Variants in PSMB9 observed in about 807,000 individuals in gnomAD.
PSMB9 encodes proteasome 20S subunit beta 9.
PSMB9 carries 16 observed loss-of-function variants against 26.9 expected under a neutral mutation model. That is an observed-to-expected ratio of 0.59 (90% confidence interval 0.40 to 0.90). PSMB9 has a LOEUF of 0.90. PSMB9 is among the 40% of genes least tolerant of loss of function. PSMB9 has a pLI of 0.00. For missense variants in PSMB9, 253 were observed against 292.2 expected, an observed-to-expected ratio of 0.87 and a Z score of 0.98; for synonymous variants, 91 against 112.0, an observed-to-expected ratio of 0.81 and a Z score of 1.18.
In PSMB9 at chr6:32,858,843, T is replaced by A. The variant is rs1454571497; in HGVS notation, c.532+338T>A. The A allele has an allele frequency of 1.8e-5, 7 of 395,658 alleles. No individual in the cohort carries two copies. The highest frequency in any genetic ancestry group is 2.8e-5 in the Non-Finnish European group (6 of 215,164). The allele number at this position is 395,658 out of a possible 1,614,324, so 24.5% of individuals were successfully genotyped here. A position where few individuals can be genotyped will look rare whatever the true frequency, so the allele number is the denominator to read the frequency against. On this transcript the variant is annotated intron_variant, in intron 5 of 5. Coordinates refer to ENST00000374859, the MANE Select transcript of PSMB9 (RefSeq NM_002800.5). This position sits in a 1 kb window ranked among gnomAD's most constrained non-coding sequence, Gnocchi z 5.2. ...TGAGCCCAGGAGTTTGAGGCCAGCC[T>A]AGGCAAGATGGTGAAACCCTGTCTC...
In PSMB9 at chr6:32,859,587, CTGG is replaced by C. The variant is rs2127400789; in HGVS notation, c.*57_*59del. ...GTAATAAACTCTCTAGGGCCAAAAC[CTGG>C]TATGGTCATTGGGAAATGAGTGCTC... On this transcript the variant is annotated 3_prime_UTR_variant, in exon 6 of 6. Transcript: ENST00000374859. The C allele has an allele frequency of 2.5e-6, 4 of 1,582,350 alleles. No homozygotes were observed. The highest frequency in any genetic ancestry group is 2.6e-6 in the Non-Finnish European group (3 of 1,159,692).
intron 2 of PSMB9, 74 bp downstream of exon 2, chr6:32,856,279 A>G (rs1027575296): frequency 1.1e-4 from 155 of 1,455,534 alleles, no homozygotes; most frequent in Non-Finnish European, 1.4e-4. Flanking sequence ...TTACCCATTC[A>G]TGAAAAGACT....
At chr6:32,857,948 G>A in intron 3 of PSMB9, 57 bp from the exon 4 acceptor site, 1 of 1,605,526 alleles carries the variant, frequency 6.2e-7, no homozygotes. Flanking sequence ...GATGGTAACA[G>A]TATAGGAGAA....
rs867212142 is a variant in PSMB9 at position 32,857,460 on chromosome 6, A to G, written c.260+66A>G. 35 of 1,520,390 alleles carry G rather than the reference A, an allele frequency of 2.3e-5. No individual in the cohort carries two copies. In the East Asian group the frequency reaches 2.4e-4, roughly 10 times the overall value. The allele number at this position is 1,520,390 out of a possible 1,614,324, so 94.2% of individuals were successfully genotyped here. ...TCCCCCAACCTGCATGAATCCCTGT[A>G]CAGTGTGCTGTTCCAGGAGCTGGAC... On this transcript the variant is annotated intron_variant, in intron 3 of 5. Coordinates refer to ENST00000374859, the MANE Select transcript of PSMB9 (RefSeq NM_002800.5).
chr6:32,856,619 A>G (rs1421750435), intron 2 of PSMB9: 2 of 172,700 alleles, frequency 1.2e-5, no homozygotes, highest in Non-Finnish European at 2.5e-5. Flanking sequence ...ATGCAAAATG[A>G]GTATATGGGG....
At chr6:32,856,549 C>T (rs1259997637) in intron 2 of PSMB9, 1 of 245,820 alleles carries the variant, frequency 4.1e-6, no homozygotes, top group African/African-American at 2.2e-5. Context: ...TACCTGGTTT[C>T]TCATTTACCA....
intron 1 of PSMB9, among the ~76,000 whole-genome samples, chr6:32,855,149 GAC>G (rs1190516788): frequency 1.3e-5 from 2 of 152,214 alleles, no homozygotes; most frequent in Non-Finnish European, 2.9e-5. Context: ...TGGTAAGAAA[GAC>G]ACAGTGAAAC....
intron 1 of PSMB9, among the ~76,000 whole-genome samples, chr6:32,855,248 A>G (rs887354132): frequency 6.6e-6 from 1 of 152,158 alleles, no homozygotes; most frequent in Admixed American, 6.5e-5. Context: ...TAAGAGTTAG[A>G]CCTGAATTTT....
chr6:32,857,282 G>C lies in PSMB9; in HGVS notation c.148G>C (p.Val50Leu). 1 of 1,608,176 alleles carries C rather than the reference G, an allele frequency of 6.2e-7. No homozygotes were observed. Among genetic ancestry groups the C allele is most frequent in the Non-Finnish European group, 8.5e-7 (1 of 1,177,388 alleles). The change falls in exon 3 of 6, where the codon GTG becomes CTG. Residue 50 changes from valine to leucine, a missense_variant. Val to Leu is a conservative substitution (Grantham distance 32, BLOSUM62 1). Coordinates refer to ENST00000374859, the MANE Select transcript of PSMB9 (RefSeq NM_002800.5). Reference protein sequence around the residue: ...VSAGEAVVNRVFDKLSPLHER... With the variant: ...VSAGEAVVNRLFDKLSPLHER... ...TGACAGCGAGGCGGTGGTGAACCGAGTGTTTGACAAGCTGTCCCCGCTGCA... is the reference window on the plus strand; with the variant it reads ...TGACAGCGAGGCGGTGGTGAACCGACTGTTTGACAAGCTGTCCCCGCTGCA...
In PSMB9 at chr6:32,857,470, G is replaced by C. The variant is rs1001764117; in HGVS notation, c.260+76G>C. On this transcript the variant is annotated intron_variant, in intron 3 of 5. Coordinates refer to ENST00000374859, the MANE Select transcript of PSMB9 (RefSeq NM_002800.5). ...TGCATGAATCCCTGTACAGTGTGCT[G>C]TTCCAGGAGCTGGACACTGGGAAAT... 3.4e-6 allele frequency: 5 copies of C among 1,467,010 alleles called. No homozygotes were observed. The Admixed American group carries it at 1.2e-4, about 36-fold the overall frequency. 90.9% of individuals were successfully genotyped at this position (1,467,010 alleles called of 1,614,324 possible).
Position 32,856,200 on chromosome 6 carries a change from T to C in PSMB9, c.123T>C (p.Ser41=), listed in dbSNP as rs146971552. The change falls in exon 2 of 6, where the codon TCT becomes TCC. Residue 41 remains serine, a synonymous_variant. Coordinates refer to ENST00000374859, the MANE Select transcript of PSMB9 (RefSeq NM_002800.5). ...GVVMGSDSRV[S]AGEAVVNRVF... ...TGATGGGTTCTGATTCCCGAGTGTCTGCAGGGTGAGTAAAAGTGAAGATGT... is the reference window on the plus strand; with the variant it reads ...TGATGGGTTCTGATTCCCGAGTGTCCGCAGGGTGAGTAAAAGTGAAGATGT... 6.2e-7 allele frequency: 1 copy of C among 1,612,390 alleles called. No individual in the cohort carries two copies.
intron 1 of PSMB9, among the ~76,000 whole-genome samples, chr6:32,855,198 T>A (rs3763347): frequency 0.42 from 64,451 of 151,936 alleles, 13,829 homozygotes; most frequent in Middle Eastern, 0.51. Context: ...CACTGCCAAA[T>A]GAGCAGTGGC....
chr6:32,857,546 C>A, intron 3 of PSMB9, 152 bp downstream of exon 3: 1 of 990,470 alleles, frequency 1.0e-6, no homozygotes, highest in Non-Finnish European at 1.4e-6. Flanking sequence ...TCAGTTTCTG[C>A]ATCTGTAAAG....
At chr6:32,856,268 C>T in intron 2 of PSMB9, 63 bp downstream of exon 2, 1 of 1,505,284 alleles carries the variant, frequency 6.6e-7, no homozygotes, top group African/African-American at 1.4e-5. Context: ...ACACACTTTC[C>T]TTACCCATTC....
intron 2 of PSMB9, chr6:32,856,688 T>C (rs1771176176): frequency 6.4e-6 from 1 of 156,616 alleles, no homozygotes; most frequent in Non-Finnish European, 1.4e-5. Flanking sequence ...AGATTGTTAA[T>C]AGCAAAGAAA....
At chr6:32,857,729 AC>A (rs1476582301) in intron 3 of PSMB9, 1 of 544,998 alleles carries the variant, frequency 1.8e-6, no homozygotes, top group African/African-American at 1.9e-5. Context: ...GGTCGTTGGG[AC>A]GGAAGTAACC....
chr6:32,857,511 C>T (rs1185169923), intron 3 of PSMB9, 117 bp downstream of exon 3: 8 of 1,295,078 alleles, frequency 6.2e-6, no homozygotes, highest in South Asian at 1.7e-5. Flanking sequence ...AGTCTTGTTT[C>T]GGCTCTTGCT....
rs1771071026 is a variant in PSMB9 at position 32,854,697 on chromosome 6, T to C, written c.60+408T>C. 6.6e-6 allele frequency among the ~76,000 whole-genome samples: 1 copy of C among 152,084 alleles called. No homozygotes were observed. The highest frequency in any genetic ancestry group is 1.5e-5 in the Non-Finnish European group (1 of 68,016). On this transcript the variant is annotated intron_variant, in intron 1 of 5. Transcript: ENST00000374859. The surrounding 1 kb of genome is among the most constrained non-coding windows in gnomAD (Gnocchi z 4.6). Reference sequence around the variant, plus strand: ...TAGAACAGCACTTGGGAGAAGGAAATATAGGCACTTATTGAGAAGGACCAA... The same window carrying C: ...TAGAACAGCACTTGGGAGAAGGAAACATAGGCACTTATTGAGAAGGACCAA...
Position 32,859,433 on chromosome 6 carries a change from C to T in PSMB9, c.561C>T (p.Gly187=), listed in dbSNP as rs1582659886. The change falls in exon 6 of 6, where the codon GGC becomes GGT. Residue 187 remains glycine (G), a synonymous_variant. Coordinates refer to ENST00000374859, the MANE Select transcript of PSMB9 (RefSeq NM_002800.5). The part of the protein sequence containing the change: ...DAIALAMSRD[G]SSGGVIYLVT... Reference sequence around the variant, plus strand: ...TTGCTCTGGCCATGAGCCGGGATGGCTCAAGCGGGGGTGTCATCTACCTGG... The same window carrying T: ...TTGCTCTGGCCATGAGCCGGGATGGTTCAAGCGGGGGTGTCATCTACCTGG... 1.9e-6 allele frequency: 3 copies of T among 1,613,320 alleles called. No individual in the cohort carries two copies. The East Asian group carries it at 6.7e-5, about 36-fold the overall frequency.
Sources: gnomAD v4.1 joint callset for allele counts (sites outside exome capture counted in the v4.1 genomes callset) on GRCh38, gnomAD v4.1.1 for gene constraint, Gnocchi (gnomAD v3.1) non-coding constraint, MANE v1.5 for transcripts, NCBI Gene and HGNC (gene_info 2026-07-23, HGNC 2026-07-21) for gene names.